SORCS1: variants seen among roughly 807,000 people sequenced by gnomAD.
SORCS1 encodes VPS10 domain-containing receptor SorCS1.
In SORCS1, 60 loss-of-function variants were observed where a neutral mutation model predicts 146.1. That is an observed-to-expected ratio of 0.41 (90% CI 0.33 to 0.51). SORCS1 has a LOEUF of 0.51. Among genes scored for constraint, SORCS1 ranks in the 20% least tolerant of loss-of-function variants. The pLI, the probability that SORCS1 is intolerant of heterozygous loss-of-function variation, is 0.21. For missense variants in SORCS1, 1,352 were observed against 1,487.6 expected, an observed-to-expected ratio of 0.91 and a Z score of 1.50; for synonymous variants, 637 against 584.0, an observed-to-expected ratio of 1.09 and a Z score of -1.31.
At chr10:106,586,428 T>C (rs1845241122) in intron 24 of SORCS1, among the ~76,000 whole-genome samples, 2 of 152,154 alleles carry the variant, frequency 1.3e-5, no homozygotes. Flanking sequence ...TTTTTCTTTT[T>C]GCTAATTTCT....
intron 1 of SORCS1, among the ~76,000 whole-genome samples, chr10:107,044,737 C>T (rs1229554325): frequency 2.0e-5 from 3 of 146,650 alleles, no homozygotes; most frequent in Non-Finnish European, 3.0e-5. Flanking sequence ...GCAGGAGAAT[C>T]GCTTGAGTAG....
At chr10:106,902,988 G>A (rs1333399524) in intron 2 of SORCS1, among the ~76,000 whole-genome samples, 1 of 152,202 alleles carries the variant, frequency 6.6e-6, no homozygotes, top group East Asian at 1.9e-4. Context: ...TGAGTTAGGA[G>A]AATCGCTTGA....
intron 1 of SORCS1, among the ~76,000 whole-genome samples, chr10:107,123,395 A>C (rs1333330991): frequency 6.6e-6 from 1 of 152,236 alleles, no homozygotes; most frequent in Non-Finnish European, 1.5e-5. Context: ...TTAATTCTTG[A>C]AAGTAAGTTC....
chr10:106,655,230 TGA>T (rs758392600), intron 17 of SORCS1, among the ~76,000 whole-genome samples: 12 of 151,896 alleles, frequency 7.9e-5, no homozygotes, highest in Non-Finnish European at 1.6e-4. Flanking sequence ...TAAGGGCAGG[TGA>T]GAGAGAGAAG....
At chr10:106,664,280 G>T (rs1378133197) in intron 17 of SORCS1, among the ~76,000 whole-genome samples, 7 of 152,236 alleles carry the variant, frequency 4.6e-5, no homozygotes, top group African/African-American at 1.7e-4. Flanking sequence ...GGCATAGATG[G>T]TATTCTTTTT....
At chr10:107,054,159 C>T (rs1400214191) in intron 1 of SORCS1, among the ~76,000 whole-genome samples, 13 of 152,180 alleles carry the variant, frequency 8.5e-5, no homozygotes, top group Admixed American at 1.3e-4. Flanking sequence ...TGGTTGAAAA[C>T]GAATATGCAG....
chr10:106,897,426 C>T (rs554985274), intron 2 of SORCS1, among the ~76,000 whole-genome samples: 1 of 152,206 alleles, frequency 6.6e-6, no homozygotes, highest in African/African-American at 2.4e-5. Context: ...GATCCTCTAT[C>T]TTTCAGCTTA....
chr10:106,876,109 T>A (rs1044872990), intron 2 of SORCS1, among the ~76,000 whole-genome samples: 2 of 152,180 alleles, frequency 1.3e-5, no homozygotes, highest in African/African-American at 4.8e-5. Context: ...TCAGCATAAT[T>A]CTGATTCAGT....
chr10:106,910,344 G>A (rs1024383472), intron 2 of SORCS1, among the ~76,000 whole-genome samples: 8 of 151,718 alleles, frequency 5.3e-5, no homozygotes, highest in South Asian at 2.1e-4. Context: ...GAGAGTGAGC[G>A]AGCTCACAAG....
chr10:106,679,428 G>A (rs1852274609), intron 11 of SORCS1, 96 bp from the exon 12 acceptor site: 2 of 1,090,342 alleles, frequency 1.8e-6, no homozygotes, highest in East Asian at 4.8e-5. Context: ...GATTTTGACT[G>A]CAAGCATTCT....
At position 106,629,350 on chromosome 10, in the gene SORCS1, G is replaced by A. The variant is rs144932995; in HGVS notation, c.2514C>T (p.Gly838=). The change falls in exon 19 of 26, where the codon GGC becomes GGT. Residue 838 remains glycine, a synonymous_variant. Transcript: ENST00000263054. ...VQRTLIQVDF[G]DGIAVSYVNL... ...TGACGTAAGACACCGCGATACCATC[G>A]CCAAAGTCCACTTGGATGAGTGTCC... 86 of 1,614,036 alleles carry A rather than the reference G, an allele frequency of 5.3e-5. No homozygotes were observed. Among genetic ancestry groups the A allele is most frequent in the Non-Finnish European group, 6.5e-5 (77 of 1,180,012 alleles).
At chr10:106,875,325 G>A (rs2137630230) in intron 2 of SORCS1, among the ~76,000 whole-genome samples, 1 of 152,252 alleles carries the variant, frequency 6.6e-6, no homozygotes, top group African/African-American at 2.4e-5. Flanking sequence ...AGTATCCCAG[G>A]ATGTATATAT....
At chr10:107,049,335 G>A (rs1959879846) in intron 1 of SORCS1, among the ~76,000 whole-genome samples, 1 of 149,720 alleles carries the variant, frequency 6.7e-6, no homozygotes, top group Middle Eastern at 3.2e-3. Flanking sequence ...CGAGTTAATG[G>A]GTGCAGCACA....
intron 18 of SORCS1, among the ~76,000 whole-genome samples, chr10:106,633,965 T>C (rs1048274570): frequency 6.6e-6 from 1 of 152,184 alleles, no homozygotes; most frequent in Non-Finnish European, 1.5e-5. Context: ...TTAGGTCTTC[T>C]TGTGGTCGGA....
intron 1 of SORCS1, among the ~76,000 whole-genome samples, chr10:107,138,361 T>C (rs1967516426): frequency 6.6e-6 from 1 of 152,230 alleles, no homozygotes; most frequent in African/African-American, 2.4e-5. Context: ...TCGTTGTTTA[T>C]TATTCTTTAC....
At position 106,924,462 on chromosome 10, in the gene SORCS1, T is replaced by TATCG. The variant is rs201261246; in HGVS notation, c.626+32047_626+32050dup. Among the ~76,000 whole-genome samples, 342 of 98,712 alleles carry TATCG rather than the reference T, an allele frequency of 3.5e-3. 2 individuals are homozygous for TATCG. The highest frequency in any genetic ancestry group is 6.2e-3 in the Non-Finnish European group (260 of 41,928). 64.8% of individuals were successfully genotyped at this position (98,712 alleles called of 152,430 possible). A position where few individuals can be genotyped will look rare whatever the true frequency, so the allele number is the denominator to read the frequency against. On this transcript the variant is annotated intron_variant, in intron 2 of 25. Coordinates refer to ENST00000263054, the MANE Select transcript of SORCS1 (RefSeq NM_052918.5). ...TTTAATATTATGAAAATTCCACAGT[T>TATCG]ATCGATCTATCTATCTATCTATCTA...
rs930158399 is a variant in SORCS1 at position 106,578,818 on chromosome 10, ATAACATTT to A, written c.3371+543_3371+550del. The A allele has an allele frequency of 1.4e-4, 186 of 1,302,454 alleles. 2 individuals are homozygous for A. The African/African-American group carries it at 2.4e-3, about 17-fold the overall frequency. 80.7% of individuals were successfully genotyped at this position (1,302,454 alleles called of 1,614,324 possible). The stretch of plus-strand genomic sequence containing the variant: ...TGCTTTGCTCTTTGCCCATAAACAT[ATAACATTT>A]TAACATTTTAAGCCCAATATTTTAG... On this transcript the variant is annotated intron_variant, in intron 25 of 25. Transcript: ENST00000263054.
intron 3 of SORCS1, among the ~76,000 whole-genome samples, chr10:106,778,362 A>T (rs542658905): frequency 2.0e-5 from 3 of 152,124 alleles, no homozygotes; most frequent in Non-Finnish European, 4.4e-5. Flanking sequence ...GTTCCAGGAA[A>T]GCCACTGCCC....
intron 1 of SORCS1, among the ~76,000 whole-genome samples, chr10:107,067,127 T>A (rs968718281): frequency 2.0e-5 from 3 of 152,256 alleles, no homozygotes; most frequent in Non-Finnish European, 4.4e-5. Flanking sequence ...TCCAGAGATT[T>A]CAGCTGTGGG....
Sources: gnomAD v4.1 joint callset for allele counts (sites outside exome capture counted in the v4.1 genomes callset) on GRCh38, gnomAD v4.1.1 for gene constraint, MANE v1.5 for transcripts, NCBI Gene and HGNC (gene_info 2026-07-23, HGNC 2026-07-21) for gene names.